The following FAM24B variants were observed in gnomAD, a reference collection of about 807,000 sequenced individuals.
The protein encoded by FAM24B is protein FAM24B.
FAM24B carries 3 observed loss-of-function variants against 2.3 expected under a neutral mutation model. The ratio of observed to expected loss-of-function variants is 1.29; its 90% CI spans 0.59 to 3.32. FAM24B has a LOEUF of 3.32. Among genes scored for constraint, FAM24B ranks in the 30% most tolerant of loss-of-function variants. The probability of loss-of-function intolerance (pLI) is 0.03; values close to 1 mark genes in which losing one functional copy is unlikely to be tolerated. For missense variants in FAM24B, 98 were observed against 117.2 expected, an observed-to-expected ratio of 0.84 and a Z score of 0.76; for synonymous variants, 36 against 46.3, an observed-to-expected ratio of 0.78 and a Z score of 0.90.
chr10:122,866,181 C>T (rs188075274), intron 1 of FAM24B, among the ~76,000 whole-genome samples: 9 of 152,104 alleles, frequency 5.9e-5, no homozygotes, highest in Non-Finnish European at 1.2e-4. Flanking sequence ...ATATTACAGG[C>T]ATGAGCCACT....
rs559156972 is a variant in FAM24B, at chr10:122,867,121, C to T, written c.-177-11335G>A. On this transcript the variant is annotated intron_variant, in intron 1 of 3. Coordinates refer to ENST00000368898, the MANE Select transcript of FAM24B (RefSeq NM_152644.3). Reference sequence around the variant, plus strand: ...TCTGGATAGAAAATCAAACCAGCCACAACATTCCCTCAAGCCAAAACCTAA... The same window carrying T: ...TCTGGATAGAAAATCAAACCAGCCATAACATTCCCTCAAGCCAAAACCTAA... 1.1e-4 allele frequency among the ~76,000 whole-genome samples: 16 copies of T among 152,334 alleles called. No homozygotes were observed. The South Asian group carries it at 3.3e-3, about 32-fold the overall frequency.
intron 1 of FAM24B, among the ~76,000 whole-genome samples, chr10:122,872,437 T>C (rs1426871908): frequency 6.6e-6 from 1 of 152,226 alleles, no homozygotes; most frequent in Non-Finnish European, 1.5e-5. Flanking sequence ...CATTACTGGG[T>C]ATATGCCCAA....
At chr10:122,878,270 C>T (rs919344255) in intron 1 of FAM24B, among the ~76,000 whole-genome samples, 1 of 152,116 alleles carries the variant, frequency 6.6e-6, no homozygotes, top group East Asian at 1.9e-4. Flanking sequence ...CGGTGGCTCA[C>T]GCTTGTAATC....
intron 1 of FAM24B, among the ~76,000 whole-genome samples, chr10:122,867,682 G>A (rs1305858909): frequency 2.0e-5 from 3 of 152,216 alleles, no homozygotes; most frequent in African/African-American, 7.2e-5. Context: ...GGCAAACAGG[G>A]TCTGGAGTGG....
At chr10:122,872,827 C>A (rs1012807304) in intron 1 of FAM24B, among the ~76,000 whole-genome samples, 1 of 152,072 alleles carries the variant, frequency 6.6e-6, no homozygotes, top group Admixed American at 6.5e-5. Flanking sequence ...AGGAGATATA[C>A]CTAATGTTAA....
chr10:122,851,039 T>C (rs1847526887), intron 2 of FAM24B, among the ~76,000 whole-genome samples: 1 of 152,246 alleles, frequency 6.6e-6, no homozygotes. Context: ...GCAAATCCAT[T>C]TTGTAAATGA....
intron 1 of FAM24B, among the ~76,000 whole-genome samples, chr10:122,870,952 A>G (rs1447334157): frequency 6.6e-6 from 1 of 152,174 alleles, no homozygotes; most frequent in East Asian, 1.9e-4. Flanking sequence ...CAGGCAGAAG[A>G]AGGAAATAAA....
At chr10:122,871,984 C>T (rs1030217303) in intron 1 of FAM24B, among the ~76,000 whole-genome samples, 23 of 152,234 alleles carry the variant, frequency 1.5e-4, no homozygotes, top group African/African-American at 2.6e-4. Context: ...AAGAAACCAC[C>T]GTCAGAGTGA....
chr10:122,860,292 T>C (rs1026507690), intron 1 of FAM24B, among the ~76,000 whole-genome samples: 2 of 152,222 alleles, frequency 1.3e-5, no homozygotes, highest in African/African-American at 4.8e-5. Flanking sequence ...AATCATATTA[T>C]ACTTAGCCTT....
intron 1 of FAM24B, among the ~76,000 whole-genome samples, chr10:122,866,671 GT>G (rs1170704252): frequency 2.0e-5 from 3 of 152,076 alleles, no homozygotes; most frequent in African/African-American, 7.2e-5. Flanking sequence ...TATTGCCATT[GT>G]TTTGGTCCAC....
intron 1 of FAM24B, among the ~76,000 whole-genome samples, chr10:122,865,003 A>G (rs1482244377): frequency 6.6e-6 from 1 of 152,224 alleles, no homozygotes; most frequent in Non-Finnish European, 1.5e-5. Flanking sequence ...TTTGCCAATT[A>G]TGAATAAAGC....
chr10:122,866,282 T>G (rs1180924214), intron 1 of FAM24B, among the ~76,000 whole-genome samples: 2 of 152,144 alleles, frequency 1.3e-5, no homozygotes, highest in African/African-American at 4.8e-5. Context: ...TTTGTGTCTT[T>G]TTTAGTCTGA....
At chr10:122,870,057 A>G (rs1222425152) in intron 1 of FAM24B, among the ~76,000 whole-genome samples, 4 of 152,338 alleles carry the variant, frequency 2.6e-5, no homozygotes, top group African/African-American at 9.6e-5. Flanking sequence ...ATAAAGAAGA[A>G]AAGAGAGAAG....
At chr10:122,863,579 T>C (rs551340353) in intron 1 of FAM24B, among the ~76,000 whole-genome samples, 2 of 152,344 alleles carry the variant, frequency 1.3e-5, no homozygotes, top group East Asian at 3.9e-4. Context: ...AGAATTCCCA[T>C]ATGTCCCTCT....
Position 122,877,343 on chromosome 10 carries a change from G to C in FAM24B, c.-178+2142C>G, listed in dbSNP as rs1369126128. Reference sequence around the variant, plus strand: ...GTTAGGGATTTTTCAGAGGCAGTTTGGGGGAAGTGGTGGAGGTCGCTAGGC... The same window carrying C: ...GTTAGGGATTTTTCAGAGGCAGTTTCGGGGAAGTGGTGGAGGTCGCTAGGC... On this transcript the variant is annotated intron_variant, in intron 1 of 3. Transcript: ENST00000368898. Among the ~76,000 whole-genome samples the C allele has an allele frequency of 2.6e-5, 4 of 152,236 alleles. No homozygotes were observed. The East Asian group carries it at 7.7e-4, about 29-fold the overall frequency.
intron 1 of FAM24B, among the ~76,000 whole-genome samples, chr10:122,862,481 C>T (rs953426434): frequency 1.4e-4 from 21 of 152,024 alleles, no homozygotes; most frequent in African/African-American, 2.2e-4. Context: ...ATTGTCTATA[C>T]GTGGTTGGGA....
intron 1 of FAM24B, among the ~76,000 whole-genome samples, chr10:122,860,314 G>A (rs573150160): frequency 3.9e-5 from 6 of 152,222 alleles, no homozygotes; most frequent in South Asian, 4.1e-4. Flanking sequence ...TGGACCTGGC[G>A]TTGTGCACTT....
At position 122,871,857 on chromosome 10, in the gene FAM24B, C is replaced by A. The variant is rs549935323; in HGVS notation, c.-178+7628G>T. 2.0e-5 allele frequency among the ~76,000 whole-genome samples: 3 copies of A among 152,210 alleles called. No individual in the cohort carries two copies. The South Asian group carries it at 6.2e-4, about 32-fold the overall frequency. On this transcript the variant is annotated intron_variant, in intron 1 of 3. Coordinates refer to ENST00000368898, the MANE Select transcript of FAM24B (RefSeq NM_152644.3). ...CCCTAGAAGAAAACCTAGGCAATAC[C>A]ATTCAGGACATAGGCATGGGGCAAG...
intron 1 of FAM24B, among the ~76,000 whole-genome samples, chr10:122,866,349 G>GT (rs1002551467): frequency 1.6e-4 from 24 of 151,876 alleles, no homozygotes; most frequent in African/African-American, 5.1e-4. Context: ...GATTTCATTG[G>GT]TTTTTTCTTT....
Sources: allele counts gnomAD v4.1 joint callset (sites outside exome capture counted in the v4.1 genomes callset), GRCh38; gene constraint gnomAD v4.1.1; transcripts MANE v1.5; gene names NCBI Gene and HGNC (gene_info 2026-07-23, HGNC 2026-07-21).